The following DNMT3B variants were observed in gnomAD, a reference collection of about 807,000 sequenced individuals.
DNMT3B encodes the protein DNA methyltransferase 3 beta.
DNMT3B carries 37 observed loss-of-function variants against 120.2 expected under a neutral mutation model. That is an observed-to-expected ratio of 0.31 (90% CI 0.24 to 0.40). The LOEUF (loss-of-function observed/expected upper bound fraction) is 0.40, where lower values mean the gene tolerates loss of function less well. DNMT3B is among the 10% of genes least tolerant of loss of function. DNMT3B has a pLI of 1.00. For synonymous variants in DNMT3B, 412 were observed against 442.8 expected (o/e 0.93, Z 0.87); for missense variants, 878 against 1,137.3 (o/e 0.77, Z 3.28).
In DNMT3B at chr20:32,779,990, TCC is replaced by T. The variant is rs1444717185; in HGVS notation, c.-6-327_-6-326del. ...CGGCAGACGGGCCGGGACAGGCAGG[TCC>T]TAAATGGCATTGTTTGAAGGGGCCG... On this transcript the variant is annotated intron_variant, in intron 1 of 22. Coordinates refer to ENST00000328111, the MANE Select transcript of DNMT3B (RefSeq NM_006892.4). 3.9e-6 allele frequency: 5 copies of T among 1,275,528 alleles called. No homozygotes were observed. The African/African-American group carries it at 5.9e-5, about 15-fold the overall frequency. 79.0% of individuals were successfully genotyped at this position (1,275,528 alleles called of 1,614,324 possible). A position where few individuals can be genotyped will look rare whatever the true frequency, so the allele number is the denominator to read the frequency against.
Position 32,809,075 on chromosome 20 carries a change from A to G in DNMT3B, c.*1172A>G, listed in dbSNP as rs1042253844. 1 of 216,630 alleles carries G rather than the reference A, an allele frequency of 4.6e-6. No individual in the cohort carries two copies. The highest frequency in any genetic ancestry group is 9.3e-6 in the Non-Finnish European group (1 of 107,364). The allele number at this position is 216,630 out of a possible 1,614,324, so 13.4% of individuals were successfully genotyped here. On this transcript the variant is annotated 3_prime_UTR_variant, in exon 23 of 23. Coordinates refer to ENST00000328111, the MANE Select transcript of DNMT3B (RefSeq NM_006892.4). ...GCTGCATTTCAGAAATGCTGTCATA[A>G]TGGTTTTTAACACCTTTTACTCTTC...
chr20:32,791,101 T>C (rs542084462), intron 7 of DNMT3B, among the ~76,000 whole-genome samples: 14 of 152,178 alleles, frequency 9.2e-5, no homozygotes, highest in Non-Finnish European at 1.9e-4. Context: ...AGTTAAATAA[T>C]CACAACAAGT....
In DNMT3B at chr20:32,799,410, C is replaced by T. The variant is rs866164045; in HGVS notation, c.1759+82C>T. 34 of 1,492,396 alleles carry T rather than the reference C, an allele frequency of 2.3e-5. 1 individual carries two copies. In the Middle Eastern group the frequency reaches 1.5e-3, roughly 67 times the overall value. The allele number at this position is 1,492,396 out of a possible 1,614,324, so 92.4% of individuals were successfully genotyped here. On this transcript the variant is annotated intron_variant, in intron 16 of 22. Coordinates refer to ENST00000328111, the MANE Select transcript of DNMT3B (RefSeq NM_006892.4). ...GAGTCAGAAGGCATGGTTAAGGTGT[C>T]TGACATCAGTGGCAAGAAAGGTCCC...
At chr20:32,786,982 T>C (rs533458116) in intron 5 of DNMT3B, among the ~76,000 whole-genome samples, 1 of 152,386 alleles carries the variant, frequency 6.6e-6, no homozygotes, top group Admixed American at 6.5e-5. Context: ...CATTTCACTC[T>C]CTGAGAGTCC....
Position 32,788,917 on chromosome 20 carries a change from C to A in DNMT3B, c.718C>A (p.Pro240Thr). The change falls in exon 7 of 23, where the codon CCC (proline) becomes ACC (threonine). Residue 240 changes from proline to threonine, a missense_variant. Transcript: ENST00000328111. ...WGKIKGFSWW[P>T]AMVVSWKATS... ...AAAGATCAAGGGCTTCTCCTGGTGGCCCGCCATGGTGGTGTCTTGGAAGGC... is the reference window on the plus strand; with the variant it reads ...AAAGATCAAGGGCTTCTCCTGGTGGACCGCCATGGTGGTGTCTTGGAAGGC... 2 of 1,613,952 alleles carry A rather than the reference C, an allele frequency of 1.2e-6. No homozygotes were observed. The highest frequency in any genetic ancestry group is 1.7e-6 in the Non-Finnish European group (2 of 1,180,006).
intron 10 of DNMT3B, among the ~76,000 whole-genome samples, chr20:32,794,537 G>A (rs748392528): frequency 6.6e-6 from 1 of 151,980 alleles, no homozygotes. Context: ...AATTAGCCAG[G>A]TGTGGTGCTG....
In DNMT3B at chr20:32,800,141, T is replaced by G. The variant is rs1307739117; in HGVS notation, c.1760-12T>G. 3.7e-6 allele frequency: 6 copies of G among 1,614,068 alleles called. No homozygotes were observed. Among genetic ancestry groups the G allele is most frequent in the Middle Eastern group, 1.6e-4 (1 of 6,082 alleles). On this transcript the variant is annotated splice_polypyrimidine_tract_variant and intron_variant, in intron 16 of 22. Coordinates refer to ENST00000328111, the MANE Select transcript of DNMT3B (RefSeq NM_006892.4). Reference sequence around the variant, plus strand: ...CATCATTTATGCTTCTGTGTCTCTCTGGCCCCCACAGGCTACCTAGTCCTC... The same window carrying G: ...CATCATTTATGCTTCTGTGTCTCTCGGGCCCCCACAGGCTACCTAGTCCTC...
intron 1 of DNMT3B, among the ~76,000 whole-genome samples, chr20:32,773,951 T>TTG (rs1159799680): frequency 4.8e-5 from 7 of 145,322 alleles, no homozygotes; most frequent in African/African-American, 1.5e-4. Context: ...TTTTTTTTTT[T>TTG]TTTTTTTTTA....
chr20:32,788,301 A>G (rs1979571345), intron 6 of DNMT3B, among the ~76,000 whole-genome samples: 1 of 152,162 alleles, frequency 6.6e-6, no homozygotes, highest in African/African-American at 2.4e-5. Context: ...TCTATTAAGA[A>G]CTAGAGTTGC....
At chr20:32,771,352 T>C (rs770502484) in intron 1 of DNMT3B, among the ~76,000 whole-genome samples, 2 of 152,004 alleles carry the variant, frequency 1.3e-5, no homozygotes, top group Non-Finnish European at 2.9e-5. Flanking sequence ...TTAAAAGTAG[T>C]GGCAATGGCT....
intron 1 of DNMT3B, among the ~76,000 whole-genome samples, 165 bp downstream of exon 1, chr20:32,762,864 G>A (rs1987058252): frequency 6.6e-6 from 1 of 152,038 alleles, no homozygotes; most frequent in South Asian, 2.1e-4. Flanking sequence ...TTTGCGGGGT[G>A]AGGAAACGTC....
intron 16 of DNMT3B, among the ~76,000 whole-genome samples, chr20:32,799,812 C>CTGGGCAGTCTTGGTCATTTTAAAA (rs1981097020): frequency 6.6e-6 from 1 of 152,256 alleles, no homozygotes; most frequent in Non-Finnish European, 1.5e-5. Flanking sequence ...ACCACCGTGC[C>CTGGGCAGTCTTGGTCATTTTAAAA]TGGGCAGTCT....
At chr20:32,779,748 C>T (rs1978350805) in intron 1 of DNMT3B, 1 of 376,986 alleles carries the variant, frequency 2.7e-6, no homozygotes, top group African/African-American at 2.1e-5. Context: ...ACCAATGGGC[C>T]CTGGAGGATG....
intron 1 of DNMT3B, among the ~76,000 whole-genome samples, chr20:32,766,251 G>A (rs964011543): frequency 2.0e-5 from 3 of 152,188 alleles, no homozygotes; most frequent in Admixed American, 1.3e-4. Context: ...GCTGAGGCAC[G>A]AGAATTGCTT....
chr20:32,806,204 T>G lies in DNMT3B; in HGVS notation c.2302-5T>G. ...CTCACTCCATGATGTCATTTTGTTC[T>G]CCAGTTAAAGAAAGTACAGACAATA... On this transcript the variant is annotated splice_polypyrimidine_tract_variant and splice_region_variant and intron_variant, in intron 21 of 22. Transcript: ENST00000328111. 6.2e-7 allele frequency: 1 copy of G among 1,613,806 alleles called. No homozygotes were observed. Among genetic ancestry groups the G allele is most frequent in the Non-Finnish European group, 8.5e-7 (1 of 1,179,702 alleles).
At chr20:32,773,533 T>C (rs1218780235) in intron 1 of DNMT3B, among the ~76,000 whole-genome samples, 1 of 152,024 alleles carries the variant, frequency 6.6e-6, no homozygotes, top group Non-Finnish European at 1.5e-5. Flanking sequence ...TAGGGGTCCT[T>C]GGTACCAACT....
chr20:32,795,979 A>G (rs1980576156), intron 12 of DNMT3B, among the ~76,000 whole-genome samples: 1 of 152,258 alleles, frequency 6.6e-6, no homozygotes, highest in Non-Finnish European at 1.5e-5. Context: ...TACTGGTATC[A>G]TGAACCTTCC....
In DNMT3B at chr20:32,762,627, A is replaced by AGCCGGCCTCCC. The variant is rs1352129996; in HGVS notation, c.-75_-65dup. On this transcript the variant is annotated 5_prime_UTR_variant, in exon 1 of 23. Transcript: ENST00000328111. ...GAGCCCAGCGCCCTGCACGGCCGCC[A>AGCCGGCCTCCC]GCCGGCCTCCCGCCAGCCAGCCCCG... 7.1e-6 allele frequency: 2 copies of AGCCGGCCTCCC among 280,460 alleles called. No homozygotes were observed. Among genetic ancestry groups the AGCCGGCCTCCC allele is most frequent in the East Asian group, 1.6e-4 (1 of 6,240 alleles). The allele number at this position is 280,460 out of a possible 1,614,324, so 17.4% of individuals were successfully genotyped here. A position where few individuals can be genotyped will look rare whatever the true frequency, so the allele number is the denominator to read the frequency against.
In DNMT3B at chr20:32,801,423, G is replaced by A. The variant is rs143847495; in HGVS notation, c.2142G>A (p.Leu714=). 6.6e-4 allele frequency: 1,066 copies of A among 1,613,904 alleles called. No individual in the cohort carries two copies. Among genetic ancestry groups the A allele is most frequent in the Non-Finnish European group, 8.1e-4 (960 of 1,180,042 alleles). The part of the protein sequence containing the change: ...VGDKRDISRF[L]ECNPVMIDAI... Reference sequence around the variant, plus strand: ...ACAAGAGGGACATCTCACGGTTCCTGGAGGTGAGGGAATCTGGGGACCTGA... The same window carrying A: ...ACAAGAGGGACATCTCACGGTTCCTAGAGGTGAGGGAATCTGGGGACCTGA... Residue 714 remains leucine (L), a synonymous_variant, in exon 19 of 23, where the codon CTG becomes CTA. Transcript: ENST00000328111.
Sources: allele counts gnomAD v4.1 joint callset (sites outside exome capture counted in the v4.1 genomes callset), GRCh38; gene constraint gnomAD v4.1.1; transcripts MANE v1.5; gene names NCBI Gene and HGNC (gene_info 2026-07-23, HGNC 2026-07-21).